The following MAP2K5 variants were observed in gnomAD, a reference collection of about 807,000 sequenced individuals.
MAP2K5 encodes the protein mitogen-activated protein kinase kinase 5.
MAP2K5 carries 49 observed loss-of-function variants against 83.1 expected under a neutral mutation model. The ratio of observed to expected loss-of-function variants is 0.59; its 90% confidence interval spans 0.47 to 0.75. The LOEUF is 0.75. Ranked by LOEUF, MAP2K5 falls within the 30% of genes least tolerant of loss-of-function variation. MAP2K5 has a pLI of 0.00. For synonymous variants in MAP2K5, 202 were observed against 191.8 expected (o/e 1.05, Z -0.44); for missense variants, 457 against 557.5 (o/e 0.82, Z 1.82).
rs2087719449 is a variant in MAP2K5, at chr15:67,677,939, A to G, written c.847+13294A>G. ...CTCCAGGCAATAACTGCCATTGAGG[A>G]TGGCTAATTATGCTGTTTAATTTTA... On this transcript the variant is annotated intron_variant, in intron 13 of 21. Transcript: ENST00000178640. This position sits in a 1 kb window ranked among gnomAD's most constrained non-coding sequence, Gnocchi z 4.2. Among the ~76,000 whole-genome samples, 1 of 152,184 alleles carries G rather than the reference A, an allele frequency of 6.6e-6. No individual in the cohort carries two copies. Among genetic ancestry groups the G allele is most frequent in the Non-Finnish European group, 1.5e-5 (1 of 68,028 alleles).
In MAP2K5 at chr15:67,706,495, A is replaced by T. The variant is rs375188056; in HGVS notation, c.1044+3087A>T. Among the ~76,000 whole-genome samples, 6 of 152,268 alleles carry T rather than the reference A, an allele frequency of 3.9e-5. No individual in the cohort carries two copies. In the East Asian group the frequency reaches 9.6e-4, roughly 24 times the overall value. On this transcript the variant is annotated intron_variant, in intron 16 of 21. Transcript: ENST00000178640. Reference sequence around the variant, plus strand: ...AGATGGTCAGGAGTGAGGGCCAGGAAGAGCTAGGCCTTTTGATGCTCCTTG... The same window carrying T: ...AGATGGTCAGGAGTGAGGGCCAGGATGAGCTAGGCCTTTTGATGCTCCTTG...
At chr15:67,549,067 AGCGGCTTTGTCAGCCG>A in intron 1 of MAP2K5, 1 of 1,525,912 alleles carries the variant, frequency 6.6e-7, no homozygotes, top group Non-Finnish European at 8.8e-7. Context: ...AAATACTGCG[AGCGGCTTTGTCAGCCG>A]GCTGCCTGGT....
In MAP2K5 at chr15:67,543,085, C is replaced by T; in HGVS notation, c.-251C>T. The stretch of plus-strand genomic sequence containing the variant: ...ACCTTCCGACCTCCGCTAGTTCCTG[C>T]GGGCCTTTGCCCGCTTCCCGGTGCA... On this transcript the variant is annotated 5_prime_UTR_variant, in exon 1 of 22. Coordinates refer to ENST00000178640, the MANE Select transcript of MAP2K5 (RefSeq NM_145160.3). This position sits in a 1 kb window ranked among gnomAD's most constrained non-coding sequence, Gnocchi z 4.3. 1.8e-6 allele frequency: 1 copy of T among 543,138 alleles called. No homozygotes were observed. Among genetic ancestry groups the T allele is most frequent in the Non-Finnish European group, 3.3e-6 (1 of 301,230 alleles). 33.6% of individuals were successfully genotyped at this position (543,138 alleles called of 1,614,324 possible).
intron 6 of MAP2K5, among the ~76,000 whole-genome samples, chr15:67,591,831 G>A (rs1385934366): frequency 1.3e-5 from 2 of 151,830 alleles, no homozygotes; most frequent in Non-Finnish European, 1.5e-5. Context: ...GGACTTTCAC[G>A]CCAGGGGTGG....
chr15:67,626,596 T>C (rs2141078510), intron 8 of MAP2K5, among the ~76,000 whole-genome samples: 1 of 152,228 alleles, frequency 6.6e-6, no homozygotes, highest in South Asian at 2.1e-4. Flanking sequence ...TATCACTTTG[T>C]ACAAAGTATA....
At chr15:67,672,813 T>G (rs1217875654) in intron 13 of MAP2K5, among the ~76,000 whole-genome samples, 2 of 149,740 alleles carry the variant, frequency 1.3e-5, no homozygotes, top group Non-Finnish European at 3.0e-5. Flanking sequence ...TTTAAGTCTT[T>G]AATCCATCTT....
intron 8 of MAP2K5, among the ~76,000 whole-genome samples, chr15:67,608,850 T>C (rs1230244613): frequency 6.6e-6 from 1 of 152,132 alleles, no homozygotes; most frequent in East Asian, 1.9e-4. Flanking sequence ...TCCCACTGGG[T>C]TGTGTTCCCT....
At position 67,758,556 on chromosome 15, in the gene MAP2K5, C is replaced by G. The variant is rs1380544111; in HGVS notation, c.1134+9955C>G. On this transcript the variant is annotated intron_variant, in intron 19 of 21. Transcript: ENST00000178640. This position sits in a 1 kb window ranked among gnomAD's most constrained non-coding sequence, Gnocchi z 4.7. ...TCTTCCTAGTACTGCACCTAACATC[C>G]TATAGGCTCTTGTAAATATTCATCA... Among the ~76,000 whole-genome samples, 1 of 152,134 alleles carries G rather than the reference C, an allele frequency of 6.6e-6. No individual in the cohort carries two copies. Among genetic ancestry groups the G allele is most frequent in the Non-Finnish European group, 1.5e-5 (1 of 68,020 alleles).
chr15:67,787,241 A>G (rs1041173932), intron 21 of MAP2K5, among the ~76,000 whole-genome samples: 14 of 152,206 alleles, frequency 9.2e-5, no homozygotes, highest in Admixed American at 3.3e-4. Context: ...CTGTTTCTCA[A>G]ATTTTGCGAA....
intron 19 of MAP2K5, among the ~76,000 whole-genome samples, chr15:67,753,620 A>G (rs937072127): frequency 2.6e-5 from 4 of 152,196 alleles, no homozygotes; most frequent in Non-Finnish European, 5.9e-5. Flanking sequence ...GGAAATGCAA[A>G]TCAAAACCAC....
intron 1 of MAP2K5, chr15:67,548,995 A>G (rs2084452725): frequency 6.3e-6 from 9 of 1,417,468 alleles, no homozygotes; most frequent in Non-Finnish European, 8.2e-6. Context: ...TTGCCTTTAG[A>G]AGGAAGTTGC....
intron 21 of MAP2K5, among the ~76,000 whole-genome samples, chr15:67,797,637 A>C (rs1052530778): frequency 6.6e-6 from 1 of 151,838 alleles, no homozygotes; most frequent in African/African-American, 2.4e-5. Context: ...TATTTATTTT[A>C]CTTGGAAATC....
In MAP2K5 at chr15:67,735,535, C is replaced by T. The variant is rs190752490; in HGVS notation, c.1074+7590C>T. On this transcript the variant is annotated intron_variant, in intron 17 of 21. Coordinates refer to ENST00000178640, the MANE Select transcript of MAP2K5 (RefSeq NM_145160.3). ...AAATGAAACAGATGTGGTCTCTGCT[C>T]TCAAAAGAGTGCAGTCCAGTTGGAA... Among the ~76,000 whole-genome samples the T allele has an allele frequency of 1.1e-3, 174 of 152,300 alleles. 1 individual carries two copies. Among genetic ancestry groups the T allele is most frequent in the African/African-American group, 4.0e-3 (168 of 41,574 alleles).
rs1302354599 is a variant in MAP2K5 at position 67,746,002 on chromosome 15, A to G, written c.1075-2229A>G. On this transcript the variant is annotated intron_variant, in intron 17 of 21. Coordinates refer to ENST00000178640, the MANE Select transcript of MAP2K5 (RefSeq NM_145160.3). The surrounding 1 kb of genome is among the most constrained non-coding windows in gnomAD (Gnocchi z 4.1). ...AACGTCTCTCTTTAAAAACCTGGGC[A>G]AAACAGTATAGTTATAAGATTATAA... 6.6e-6 allele frequency among the ~76,000 whole-genome samples: 1 copy of G among 152,240 alleles called. No homozygotes were observed. Among genetic ancestry groups the G allele is most frequent in the African/African-American group, 2.4e-5 (1 of 41,460 alleles).
chr15:67,691,828 A>G (rs1334729652), intron 13 of MAP2K5, among the ~76,000 whole-genome samples: 1 of 152,226 alleles, frequency 6.6e-6, no homozygotes. Context: ...GCAGCCAAAA[A>G]TAATGTAAGG....
chr15:67,716,741 C>T (rs1168557061), intron 16 of MAP2K5, among the ~76,000 whole-genome samples: 1 of 152,176 alleles, frequency 6.6e-6, no homozygotes, highest in Non-Finnish European at 1.5e-5. Context: ...ATGTAGTGCT[C>T]TTTCCTCTCT....
Position 67,662,021 on chromosome 15 carries a change from A to C in MAP2K5, c.799-2576A>C, listed in dbSNP as rs576896685. ...CTTTCTGTATTGTCTTCCTGTCCAG[A>C]ATACATGTGTTTTATTGTAATGCCA... On this transcript the variant is annotated intron_variant, in intron 12 of 21. Coordinates refer to ENST00000178640, the MANE Select transcript of MAP2K5 (RefSeq NM_145160.3). Among the ~76,000 whole-genome samples, 19 of 152,230 alleles carry C rather than the reference A, an allele frequency of 1.2e-4. No individual in the cohort carries two copies. The South Asian group carries it at 3.9e-3, about 32-fold the overall frequency.
chr15:67,614,009 A>T (rs969407529), intron 8 of MAP2K5, among the ~76,000 whole-genome samples: 4 of 152,156 alleles, frequency 2.6e-5, no homozygotes, highest in Non-Finnish European at 5.9e-5. Context: ...TATTGCTTTT[A>T]AAAAATCAAC....
At position 67,698,872 on chromosome 15, in the gene MAP2K5, T is replaced by A. The variant is rs1202462579; in HGVS notation, c.973-4465T>A. Among the ~76,000 whole-genome samples, 1 of 152,222 alleles carries A rather than the reference T, an allele frequency of 6.6e-6. No homozygotes were observed. Among genetic ancestry groups the A allele is most frequent in the Non-Finnish European group, 1.5e-5 (1 of 68,040 alleles). ...CTAACATTAACTGAGCATTCCCATGTGGCACGTACTGAAGCACATTACGGG... is the reference window on the plus strand; with the variant it reads ...CTAACATTAACTGAGCATTCCCATGAGGCACGTACTGAAGCACATTACGGG... On this transcript the variant is annotated intron_variant, in intron 15 of 21. Transcript: ENST00000178640. The surrounding 1 kb of genome is among the most constrained non-coding windows in gnomAD (Gnocchi z 4.5).
Sources: gnomAD v4.1 joint callset for allele counts (sites outside exome capture counted in the v4.1 genomes callset) on GRCh38, gnomAD v4.1.1 for gene constraint, Gnocchi (gnomAD v3.1) non-coding constraint, MANE v1.5 for transcripts, NCBI Gene and HGNC (gene_info 2026-07-23, HGNC 2026-07-21) for gene names.